The following DDAH1 variants were observed in gnomAD, a reference collection of about 807,000 sequenced individuals.
DDAH1 encodes dimethylarginine dimethylaminohydrolase 1, also known as N(G),N(G)-dimethylarginine dimethylaminohydrolase 1.
In DDAH1, 19 loss-of-function variants were observed where a neutral mutation model predicts 28.8. That is an observed-to-expected ratio of 0.66 (90% confidence interval 0.46 to 0.97). DDAH1 has a LOEUF of 0.97. Among genes scored for constraint, DDAH1 ranks in the 50% least tolerant of loss-of-function variants. DDAH1 has a pLI of 0.00. For synonymous variants in DDAH1, 153 were observed against 154.4 expected (o/e 0.99, Z 0.07); for missense variants, 326 against 375.9 (o/e 0.87, Z 1.10).
chr1:85,435,277 G>GACT (rs977196912), intron 1 of DDAH1: 1 of 152,136 alleles, frequency 6.6e-6, no homozygotes, highest in Non-Finnish European at 1.5e-5. Flanking sequence ...AGTACCTTTG[G>GACT]ACTAGCCTGC....
chr1:85,550,067 T>C (rs986025173), intron 1 of DDAH1, among the ~76,000 whole-genome samples: 1 of 152,210 alleles, frequency 6.6e-6, no homozygotes, highest in Non-Finnish European at 1.5e-5. Flanking sequence ...GTATAGTAGA[T>C]GTGTTCCTGG....
chr1:85,361,082 C>T (rs772974805), intron 1 of DDAH1, among the ~76,000 whole-genome samples: 6 of 152,144 alleles, frequency 3.9e-5, no homozygotes, highest in Non-Finnish European at 5.9e-5. Context: ...GGCATCAAAT[C>T]GGCAATGCTA....
intron 1 of DDAH1, among the ~76,000 whole-genome samples, chr1:85,515,167 A>C (rs1295852373): frequency 3.3e-5 from 5 of 150,964 alleles, no homozygotes; most frequent in African/African-American, 1.2e-4. Flanking sequence ...AGGCGGGCAG[A>C]TAACTTGAGG....
At chr1:85,437,659 G>A (rs1654002888) in intron 1 of DDAH1, among the ~76,000 whole-genome samples, 1 of 152,132 alleles carries the variant, frequency 6.6e-6, no homozygotes, top group Non-Finnish European at 1.5e-5. Flanking sequence ...GGCAACAGTA[G>A]GCTATTTGTA....
chr1:85,563,955 A>G lies in DDAH1; in HGVS notation c.-123+14029T>C, dbSNP rs371721334. ...TTGGGAGGCCAAGTTGGGCAGATCA[A>G]AAGGTCAGGAGATCGAAACCATCCT... On this transcript the variant is annotated intron_variant, in intron 1 of 6. Transcript: ENST00000426972. Among the ~76,000 whole-genome samples the G allele has an allele frequency of 1.2e-4, 19 of 152,192 alleles. No individual in the cohort carries two copies. In the East Asian group the frequency reaches 3.5e-3, roughly 28 times the overall value.
chr1:85,547,292 G>T (rs900247720), intron 1 of DDAH1, among the ~76,000 whole-genome samples: 1 of 152,100 alleles, frequency 6.6e-6, no homozygotes, highest in South Asian at 2.1e-4. Context: ...TGTAGATAAA[G>T]GTTTTCTACC....
chr1:85,464,845 G>T lies in DDAH1; in HGVS notation c.201C>A (p.Ala67=). ...KLGLQVVELP[A]DESLPDCVFV... is the part of the protein sequence containing the mutation. The stretch of plus-strand genomic sequence containing the variant: ...AGACGCAGTCCGGAAGGCTCTCGTC[G>T]GCCGGCAGCTCCACCACCTGCAGCC... The change falls in exon 1 of 6, where the codon GCC becomes GCA. Residue 67 remains alanine, a synonymous_variant. Transcript: ENST00000284031. The surrounding 1 kb of genome is among the most constrained non-coding windows in gnomAD (Gnocchi z 4.4). 2 of 1,587,756 alleles carry T rather than the reference G, an allele frequency of 1.3e-6. No individual in the cohort carries two copies. Among genetic ancestry groups the T allele is most frequent in the Non-Finnish European group, 1.7e-6 (2 of 1,174,818 alleles).
At chr1:85,341,830 GAAAAAC>G (rs1485461203) in intron 4 of DDAH1, among the ~76,000 whole-genome samples, 1 of 147,500 alleles carries the variant, frequency 6.8e-6, no homozygotes, top group African/African-American at 2.4e-5. Context: ...AAAACAAAGA[GAAAAAC>G]AAAAACAAAA....
chr1:85,328,405 C>T (rs1397349334), intron 4 of DDAH1, among the ~76,000 whole-genome samples: 3 of 152,190 alleles, frequency 2.0e-5, no homozygotes, highest in Admixed American at 1.3e-4. Context: ...GGGGCTGCCT[C>T]GATATGCAAG....
At chr1:85,322,439 A>G (rs1267884501) in intron 5 of DDAH1, among the ~76,000 whole-genome samples, 4 of 152,254 alleles carry the variant, frequency 2.6e-5, no homozygotes, top group Non-Finnish European at 5.9e-5. Context: ...ATGATCAAAC[A>G]AAGCATATTT....
chr1:85,450,310 T>G (rs539536682), intron 1 of DDAH1, among the ~76,000 whole-genome samples: 2 of 152,344 alleles, frequency 1.3e-5, no homozygotes, highest in Admixed American at 6.5e-5. Context: ...TCACCCTTTC[T>G]TACAGGTGAC....
At position 85,503,390 on chromosome 1, in the gene DDAH1, G is replaced by A. The variant is rs1354941588; in HGVS notation, c.-122-7109C>T. ...AATTTTTTGTATTTTTAGTAGAAACGGGTTTTCACCATGTTAGCCAGGCTG... is the reference window on the plus strand; with the variant it reads ...AATTTTTTGTATTTTTAGTAGAAACAGGTTTTCACCATGTTAGCCAGGCTG... On this transcript the variant is annotated intron_variant, in intron 1 of 6. Coordinates refer to the DDAH1 transcript ENST00000426972. 1.3e-5 allele frequency among the ~76,000 whole-genome samples: 2 copies of A among 152,088 alleles called. 1 individual carries two copies. Among genetic ancestry groups the A allele is most frequent in the African/African-American group, 4.8e-5 (2 of 41,412 alleles).
chr1:85,351,431 G>A (rs1252446601), intron 3 of DDAH1, 75 bp downstream of exon 3: 4 of 1,163,780 alleles, frequency 3.4e-6, no homozygotes, highest in Middle Eastern at 1.9e-4. Flanking sequence ...CATTACTCAT[G>A]ACATTGATTC....
intron 1 of DDAH1, among the ~76,000 whole-genome samples, chr1:85,420,089 T>C (rs936291873): frequency 6.6e-6 from 1 of 152,092 alleles, no homozygotes; most frequent in South Asian, 2.1e-4. Context: ...TAGATGGGGT[T>C]CGACTGGGAT....
chr1:85,441,855 C>T (rs2100653990), intron 1 of DDAH1, among the ~76,000 whole-genome samples: 1 of 152,262 alleles, frequency 6.6e-6, no homozygotes, highest in South Asian at 2.1e-4. Context: ...AGATTAGTTT[C>T]AGAAATTCCG....
intron 1 of DDAH1, among the ~76,000 whole-genome samples, chr1:85,425,034 G>A (rs1653332258): frequency 6.6e-6 from 1 of 151,968 alleles, no homozygotes; most frequent in Non-Finnish European, 1.5e-5. Flanking sequence ...CTGTTAAGAA[G>A]CCTTCAATGT....
intron 1 of DDAH1, among the ~76,000 whole-genome samples, chr1:85,551,847 G>C (rs919801654): frequency 3.3e-5 from 5 of 152,198 alleles, no homozygotes; most frequent in African/African-American, 1.2e-4. Flanking sequence ...CAGTGAGATA[G>C]AGCATGGCAT....
intron 1 of DDAH1, among the ~76,000 whole-genome samples, chr1:85,560,212 C>T (rs892742997): frequency 1.2e-4 from 18 of 152,062 alleles, no homozygotes; most frequent in Admixed American, 7.9e-4. Context: ...TCTACAATTC[C>T]GAACCCAGAA....
chr1:85,480,508 G>A (rs1485386595), intron 2 of DDAH1, among the ~76,000 whole-genome samples: 1 of 152,148 alleles, frequency 6.6e-6, no homozygotes, highest in Non-Finnish European at 1.5e-5. Context: ...ACTTTGGGAG[G>A]CTGAAGCTGG....
Sources: gnomAD v4.1 joint callset for allele counts (sites outside exome capture counted in the v4.1 genomes callset) on GRCh38, gnomAD v4.1.1 for gene constraint, Gnocchi (gnomAD v3.1) non-coding constraint, MANE v1.5 for transcripts, NCBI Gene and HGNC (gene_info 2026-07-23, HGNC 2026-07-21) for gene names.